Variants in PARN observed in about 807,000 individuals in gnomAD.
The protein encoded by PARN is poly(A)-specific ribonuclease PARN.
In PARN, 71 loss-of-function variants were observed where a neutral mutation model predicts 102.8. That is an observed-to-expected ratio of 0.69 (90% CI 0.57 to 0.84). The LOEUF (loss-of-function observed/expected upper bound fraction) is 0.84, where lower values mean the gene tolerates loss of function less well. PARN is among the 40% of genes least tolerant of loss of function. The pLI is 0.00. For missense variants in PARN, 782 were observed against 760.9 expected (o/e 1.03, Z -0.33); for synonymous variants, 261 against 252.9 (o/e 1.03, Z -0.30).
Position 14,442,637 on chromosome 16 carries a change from T to G in PARN, c.1864+4251A>C, listed in dbSNP as rs2151551565. 2.7e-5 allele frequency among the ~76,000 whole-genome samples: 4 copies of G among 146,182 alleles called. No individual in the cohort carries two copies. The Middle Eastern group carries it at 0.014, about 504-fold the overall frequency. On this transcript the variant is annotated intron_variant, in intron 23 of 23. Transcript: ENST00000437198. ...TCTTTGTTTCTTTCTTGAGACGGAG[T>G]CTTGGAGTCTTGCTCTGTCACCCAA...
In PARN at chr16:14,478,919, T is replaced by C. The variant is rs555971149; in HGVS notation, c.1670+3719A>G. Among the ~76,000 whole-genome samples, 4 of 152,276 alleles carry C rather than the reference T, an allele frequency of 2.6e-5. No homozygotes were observed. The South Asian group carries it at 6.2e-4, about 24-fold the overall frequency. ...GCCCTCAGCCTCCTGAGTAGGCTTA[T>C]AGGCACCTGCCACCACGGCCAGCTA... On this transcript the variant is annotated intron_variant, in intron 22 of 23. Coordinates refer to ENST00000437198, the MANE Select transcript of PARN (RefSeq NM_002582.4).
chr16:14,569,078 GGCTTGAGCCTGT>G (rs2151731012), intron 18 of PARN, among the ~76,000 whole-genome samples: 1 of 151,788 alleles, frequency 6.6e-6, no homozygotes, highest in African/African-American at 2.4e-5. Context: ...CGGGTATGGT[GGCTTGAGCCTGT>G]AATCCCAGCT....
At chr16:14,473,430 T>C (rs531181695) in intron 22 of PARN, among the ~76,000 whole-genome samples, 70 of 152,310 alleles carry the variant, frequency 4.6e-4, no homozygotes, top group African/African-American at 1.6e-3. Context: ...ACTAGGTAAA[T>C]CTACAGTCCT....
chr16:14,620,069 CAAAAAAAAA>C (rs1167781322), intron 5 of PARN, among the ~76,000 whole-genome samples: 2 of 47,558 alleles, frequency 4.2e-5, no homozygotes, highest in Admixed American at 2.7e-4. Context: ...GACTCTGTCT[CAAAAAAAAA>C]AAAAAAAAAA....
At chr16:14,533,815 G>A (rs1966488893) in intron 21 of PARN, among the ~76,000 whole-genome samples, 1 of 152,192 alleles carries the variant, frequency 6.6e-6, no homozygotes, top group Non-Finnish European at 1.5e-5. Context: ...AGCCACTGAT[G>A]CACTGGTTGT....
rs1365355389 is a variant in PARN at position 14,552,696 on chromosome 16, C to A, written c.1406-601G>T. On this transcript the variant is annotated intron_variant, in intron 20 of 23. Transcript: ENST00000437198. ...GGGCGCGGTGGCTCACGCCTATAAT[C>A]CCAGCACTTTGGGAGGCCGAGGTGG... is the stretch of plus-strand genomic sequence containing the variant. Among the ~76,000 whole-genome samples, 6 of 152,280 alleles carry A rather than the reference C, an allele frequency of 3.9e-5. No individual in the cohort carries two copies. In the East Asian group the frequency reaches 1.2e-3, roughly 29 times the overall value.
At chr16:14,466,015 G>A (rs536945663) in intron 22 of PARN, among the ~76,000 whole-genome samples, 2 of 152,282 alleles carry the variant, frequency 1.3e-5, no homozygotes, top group Admixed American at 1.3e-4. Context: ...GAGGGTGGGA[G>A]GAGGATCAGA....
intron 22 of PARN, among the ~76,000 whole-genome samples, chr16:14,473,508 G>A (rs1962866988): frequency 6.6e-6 from 1 of 152,178 alleles, no homozygotes; most frequent in African/African-American, 2.4e-5. Context: ...TTAAGATAAA[G>A]ATAGAGATGT....
At chr16:14,513,076 C>T (rs2151640071) in intron 21 of PARN, among the ~76,000 whole-genome samples, 1 of 152,160 alleles carries the variant, frequency 6.6e-6, no homozygotes, top group South Asian at 2.1e-4. Flanking sequence ...AGGTGCGTGC[C>T]ACCACACCTG....
intron 21 of PARN, among the ~76,000 whole-genome samples, chr16:14,510,479 T>C (rs749119318): frequency 1.3e-5 from 2 of 152,058 alleles, no homozygotes. Flanking sequence ...GAACCACAAA[T>C]TATATAGGAC....
intron 21 of PARN, among the ~76,000 whole-genome samples, chr16:14,538,728 T>G (rs922572954): frequency 1.4e-4 from 21 of 152,166 alleles, no homozygotes; most frequent in Non-Finnish European, 2.9e-5. Flanking sequence ...CTGATCTATG[T>G]TCCCTGGCAT....
intron 12 of PARN, among the ~76,000 whole-genome samples, chr16:14,599,449 T>C (rs1434374387): frequency 6.6e-6 from 1 of 152,154 alleles, no homozygotes; most frequent in Non-Finnish European, 1.5e-5. Flanking sequence ...TTAAAACATA[T>C]CAAATATTAT....
In PARN at chr16:14,608,323, T is replaced by A; in HGVS notation, c.621-4A>T. ...ATAAATTAGTTTTCTTTGGAACCTATAAAAACAAAAGAAAAGGTATTGATT... is the reference window on the plus strand; with the variant it reads ...ATAAATTAGTTTTCTTTGGAACCTAAAAAAACAAAAGAAAAGGTATTGATT... On this transcript the variant is annotated splice_polypyrimidine_tract_variant and splice_region_variant and intron_variant, in intron 8 of 23. Transcript: ENST00000437198. The A allele has an allele frequency of 6.6e-7, 1 of 1,523,022 alleles. No individual in the cohort carries two copies. Among genetic ancestry groups the A allele is most frequent in the Non-Finnish European group, 8.9e-7 (1 of 1,123,874 alleles). 94.3% of individuals were successfully genotyped at this position (1,523,022 alleles called of 1,614,324 possible). A position where few individuals can be genotyped will look rare whatever the true frequency, so the allele number is the denominator to read the frequency against.
At chr16:14,615,805 G>A (rs953526989) in intron 6 of PARN, among the ~76,000 whole-genome samples, 3 of 151,702 alleles carry the variant, frequency 2.0e-5, no homozygotes, top group African/African-American at 4.8e-5. Context: ...GGAGGCTGAG[G>A]CACGAGTATC....
intron 23 of PARN, among the ~76,000 whole-genome samples, 190 bp from the exon 24 acceptor site, chr16:14,436,962 A>G (rs1415357290): frequency 1.3e-5 from 2 of 152,176 alleles, no homozygotes; most frequent in Admixed American, 6.5e-5. Context: ...CAGCATGGGA[A>G]AGTGAAACCA....
Position 14,446,715 on chromosome 16 carries a change from T to C in PARN, c.1864+173A>G, listed in dbSNP as rs1198352766. ...CTTATGCTACCCGAGCCAGAGCTTTTTAGGATTCCTCAAATTAAATTAAAT... is the reference window on the plus strand; with the variant it reads ...CTTATGCTACCCGAGCCAGAGCTTTCTAGGATTCCTCAAATTAAATTAAAT... On this transcript the variant is annotated intron_variant, in intron 23 of 23. Transcript: ENST00000437198. Among the ~76,000 whole-genome samples the C allele has an allele frequency of 3.3e-5, 5 of 152,182 alleles. No homozygotes were observed. In the East Asian group the frequency reaches 9.6e-4, roughly 29 times the overall value.
At chr16:14,493,989 G>A (rs1216471552) in intron 21 of PARN, among the ~76,000 whole-genome samples, 3 of 152,118 alleles carry the variant, frequency 2.0e-5, no homozygotes, top group Non-Finnish European at 2.9e-5. Flanking sequence ...GTTGACCCTC[G>A]AACAATCTGT....
At chr16:14,552,659 G>A (rs1967381468) in intron 20 of PARN, among the ~76,000 whole-genome samples, 2 of 152,104 alleles carry the variant, frequency 1.3e-5, no homozygotes, top group East Asian at 1.9e-4. Context: ...ATTGAAAATA[G>A]TGTTAGAGGC....
At chr16:14,501,434 C>CAA (rs1964589676) in intron 21 of PARN, 1 of 1,310 alleles carries the variant, frequency 7.6e-4, no homozygotes, top group Non-Finnish European at 3.4e-3. Flanking sequence ...GCAAGACTGT[C>CAA]CAAAAAAAAA....
Sources: gnomAD v4.1 joint callset for allele counts (sites outside exome capture counted in the v4.1 genomes callset) on GRCh38, gnomAD v4.1.1 for gene constraint, MANE v1.5 for transcripts, NCBI Gene and HGNC (gene_info 2026-07-23, HGNC 2026-07-21) for gene names.